The following CSF2RA variants were observed in gnomAD, a reference collection of about 807,000 sequenced individuals.
The protein encoded by CSF2RA is colony stimulating factor 2 receptor subunit alpha, also known as granulocyte-macrophage colony-stimulating factor receptor subunit alpha.
Under a neutral mutation model 51.6 loss-of-function variants are expected in CSF2RA, and 42 were observed. The ratio of observed to expected loss-of-function variants is 0.81; its 90% CI spans 0.64 to 1.05. The LOEUF is 1.05. CSF2RA is among the 50% of genes least tolerant of loss of function. The pLI is 0.00. For synonymous variants in CSF2RA, 222 were observed against 193.0 expected (o/e 1.15, Z -1.24); for missense variants, 530 against 501.1 (o/e 1.06, Z -0.55).
At chrX:1,295,253 T>A (rs2091832192) in intron 8 of CSF2RA, among the ~76,000 whole-genome samples, 174 bp from the exon 9 acceptor site, 1 of 151,980 alleles carries the variant, frequency 6.6e-6, no homozygotes, top group Non-Finnish European at 1.5e-5. Flanking sequence ...TGTTTGCAGC[T>A]CCTCATCCTA....
intron 6 of CSF2RA, 60 bp downstream of exon 6, chrX:1,288,948 G>A (rs763162795): frequency 3.1e-6 from 5 of 1,605,312 alleles, no homozygotes; most frequent in East Asian, 2.2e-5. Flanking sequence ...AAAAAATCAT[G>A]CTGGTTTTCT....
intron 4 of CSF2RA, among the ~76,000 whole-genome samples, chrX:1,288,290 T>C (rs1306031512): frequency 6.9e-6 from 1 of 145,014 alleles, no homozygotes; most frequent in Non-Finnish European, 1.5e-5. Flanking sequence ...GAGACCAGCC[T>C]GGCCAACATG....
intron 10 of CSF2RA, 82 bp from the exon 11 acceptor site, chrX:1,303,841 T>C (rs1309293530): frequency 8.3e-7 from 1 of 1,202,392 alleles, no homozygotes; most frequent in Admixed American, 1.7e-5. Flanking sequence ...GCTAAATGCA[T>C]TTGGACACCC....
At chrX:1,292,167 G>A (rs774302456) in intron 7 of CSF2RA, among the ~76,000 whole-genome samples, 3 of 151,904 alleles carry the variant, frequency 2.0e-5, no homozygotes, top group South Asian at 2.1e-4. Context: ...GTGTAGACAG[G>A]AGGAGACTGC....
In CSF2RA at chrX:1,300,474, T is replaced by G; in HGVS notation, c.811-17T>G. ...CACAGAAGACGCCTATCTCTAACTTTCTTTTTTCCTCCAAAGATTAATGTT... is the reference window on the plus strand; with the variant it reads ...CACAGAAGACGCCTATCTCTAACTTGCTTTTTTCCTCCAAAGATTAATGTT... On this transcript the variant is annotated splice_polypyrimidine_tract_variant and intron_variant, in intron 9 of 12. Transcript: ENST00000381529. 1 of 1,613,924 alleles carries G rather than the reference T, an allele frequency of 6.2e-7. No individual in the cohort carries two copies. Among genetic ancestry groups the G allele is most frequent in the Non-Finnish European group, 8.5e-7 (1 of 1,179,852 alleles).
chrX:1,296,917 C>A (rs868445683), intron 9 of CSF2RA, among the ~76,000 whole-genome samples: 1 of 63,994 alleles, frequency 1.6e-5, no homozygotes, highest in Non-Finnish European at 3.3e-5. Context: ...TGACCCCTGG[C>A]GGAACCGTAC....
At chrX:1,306,436 C>T (rs28882750) in intron 12 of CSF2RA, among the ~76,000 whole-genome samples, 1,664 of 152,008 alleles carry the variant, frequency 0.011, 24 homozygotes, top group African/African-American at 0.038. Flanking sequence ...CACTTGAGGT[C>T]GGGAGTTCGA....
chrX:1,308,986 G>T (rs2083953383), intron 12 of CSF2RA, among the ~76,000 whole-genome samples: 1 of 152,180 alleles, frequency 6.6e-6, no homozygotes, highest in Non-Finnish European at 1.5e-5. Flanking sequence ...CCAGCACTTT[G>T]GGAGGCCGAG....
downstream of CSF2RA, among the ~76,000 whole-genome samples, chrX:1,314,610 C>A (rs868725372): frequency 7.7e-5 from 1 of 12,992 alleles, no homozygotes; most frequent in Non-Finnish European, 1.6e-4. Context: ...AACCCCACTG[C>A]ACCTGCCCAA....
intron 6 of CSF2RA, 80 bp downstream of exon 6, chrX:1,288,968 T>A: frequency 6.3e-7 from 1 of 1,587,870 alleles, no homozygotes; most frequent in Non-Finnish European, 8.6e-7. Flanking sequence ...TTTTTTTCCT[T>A]TTTCTTTTTT....
At chrX:1,320,664 A>ATTTTTTT in the CSF2RA span, among the ~76,000 whole-genome samples, 5 of 123,382 alleles carry the variant, frequency 4.1e-5, no homozygotes, top group African/African-American at 5.9e-5. Context: ...TGCCCAGCTA[A>ATTTTTTT]TTTTTTTTTT....
chrX:1,306,537 C>T (rs1195056413), intron 12 of CSF2RA, among the ~76,000 whole-genome samples: 1 of 151,866 alleles, frequency 6.6e-6, no homozygotes. Flanking sequence ...ATCCCACCTA[C>T]TCTGGAGGCT....
In CSF2RA at chrX:1,280,853, T is replaced by C. The variant is rs112286676; in HGVS notation, c.-26-1825T>C. Among the ~76,000 whole-genome samples the C allele has an allele frequency of 4.9e-3, 373 of 76,748 alleles. 15 individuals are homozygous for C. The East Asian group carries it at 0.078, about 16-fold the overall frequency. The allele number at this position is 76,748 out of a possible 152,430, so 50.3% of individuals were successfully genotyped here. A position where few individuals can be genotyped will look rare whatever the true frequency, so the allele number is the denominator to read the frequency against. ...CTTCTTTTCTCCTCCTTCCTCTCCT[T>C]CTCCTCCTCCTCCTCCTCCTTCTCC... On this transcript the variant is annotated intron_variant, in intron 2 of 12. Coordinates refer to ENST00000381529, the MANE Select transcript of CSF2RA (RefSeq NM_172245.4).
In CSF2RA at chrX:1,285,916, C is replaced by A. The variant is rs2090591901; in HGVS notation, c.215C>A (p.Pro72His). 1 of 1,613,800 alleles carries A rather than the reference C, an allele frequency of 6.2e-7. No individual in the cohort carries two copies. The highest frequency in any genetic ancestry group is 8.5e-7 in the Non-Finnish European group (1 of 1,179,834). Residue 72 changes from proline to histidine, a missense_variant, in exon 4 of 13, where the codon CCC becomes CAC. Transcript: ENST00000381529. ...LTDKKNRVVE[P>H]RLSNNECSCT... ...GACAAGAAGAACAGAGTCGTGGAAC[C>A]CAGGGTGAGACGAATTTCCCATTCT...
chrX:1,295,299 C>A, intron 8 of CSF2RA, 128 bp from the exon 9 acceptor site: 1 of 1,186,664 alleles, frequency 8.4e-7, no homozygotes, highest in Non-Finnish European at 1.3e-6. Context: ...GGAGGGAGAC[C>A]TGCCTGCCAC....
chrX:1,317,619 A>C, the CSF2RA span, among the ~76,000 whole-genome samples: 1 of 147,630 alleles, frequency 6.8e-6, no homozygotes, highest in East Asian at 2.0e-4. Flanking sequence ...CCCAGGCTGG[A>C]GTGCAATGGT....
intron 4 of CSF2RA, among the ~76,000 whole-genome samples, chrX:1,287,369 G>C (rs183044251): frequency 1.4e-5 from 2 of 147,506 alleles, no homozygotes; most frequent in Non-Finnish European, 3.0e-5. Flanking sequence ...GGCCAGGCTG[G>C]TCTCCAACTC....
intron 2 of CSF2RA, among the ~76,000 whole-genome samples, chrX:1,276,422 G>A (rs1483192055): frequency 6.6e-6 from 1 of 151,804 alleles, no homozygotes; most frequent in Non-Finnish European, 1.5e-5. Flanking sequence ...TGCCTGGGCT[G>A]GAGTGCAGTG....
At position 1,282,794 on chromosome X, in the gene CSF2RA, C is replaced by G; in HGVS notation, c.76+15C>G. The G allele has an allele frequency of 1.9e-6, 3 of 1,607,262 alleles. No individual in the cohort carries two copies. The highest frequency in any genetic ancestry group is 1.3e-5 in the African/African-American group (1 of 74,632). ...AGAGAAATCGGGTAAGTATGGAAAC[C>G]TGGCTGAACCTTCTCCGCGGCCCCT... On this transcript the variant is annotated intron_variant, in intron 3 of 12. Transcript: ENST00000381529.
Sources: gnomAD v4.1 joint callset for allele counts (sites outside exome capture counted in the v4.1 genomes callset) on GRCh38, gnomAD v4.1.1 for gene constraint, MANE v1.5 for transcripts, NCBI Gene and HGNC (gene_info 2026-07-23, HGNC 2026-07-21) for gene names.